The following LOC128125817 variants were observed in gnomAD, a reference collection of about 807,000 sequenced individuals.
chr1:41,621,426 C>G, the LOC128125817 span, among the ~76,000 whole-genome samples: 1 of 152,274 alleles, frequency 6.6e-6, no homozygotes, highest in Admixed American at 6.5e-5. Context: ...CCCCCTCTGT[C>G]TCCCAAGGGA....
the LOC128125817 span, among the ~76,000 whole-genome samples, chr1:41,606,980 C>CTT: frequency 1.3e-5 from 2 of 148,304 alleles, no homozygotes; most frequent in African/African-American, 5.0e-5. Flanking sequence ...GTGTGTGTTT[C>CTT]TTTTTTTTTT....
At chr1:41,620,724 C>A in the LOC128125817 span, among the ~76,000 whole-genome samples, 1 of 152,136 alleles carries the variant, frequency 6.6e-6, no homozygotes, top group Admixed American at 6.5e-5. Context: ...TTCAGGCTTG[C>A]GACACTAGTG....
the LOC128125817 span, among the ~76,000 whole-genome samples, chr1:41,592,347 C>G: frequency 2.6e-5 from 4 of 152,210 alleles, no homozygotes; most frequent in African/African-American, 7.2e-5. Context: ...GCTGAATGAT[C>G]TCAAGATCAC....
chr1:41,599,399 A>C, the LOC128125817 span, among the ~76,000 whole-genome samples: 1 of 152,232 alleles, frequency 6.6e-6, no homozygotes, highest in Non-Finnish European at 1.5e-5. Flanking sequence ...ATAATCATAA[A>C]GGAGAGAAGC....
the LOC128125817 span, among the ~76,000 whole-genome samples, chr1:41,589,999 C>A: frequency 1.3e-5 from 2 of 152,208 alleles, no homozygotes; most frequent in African/African-American, 4.8e-5. Flanking sequence ...ATTTAATGAC[C>A]TAGCAACAAA....
chr1:41,597,703 C>A, the LOC128125817 span, among the ~76,000 whole-genome samples: 1 of 152,210 alleles, frequency 6.6e-6, no homozygotes, highest in Non-Finnish European at 1.5e-5. Flanking sequence ...GAATCACAGT[C>A]CTGACACTGC....
chr1:41,586,558 C>T, the LOC128125817 span, among the ~76,000 whole-genome samples: 2 of 146,836 alleles, frequency 1.4e-5, no homozygotes, highest in Admixed American at 1.4e-4. Flanking sequence ...ATGCCCTACC[C>T]CCGGCATCCT....
chr1:41,600,799 C>T, the LOC128125817 span, among the ~76,000 whole-genome samples: 9 of 152,116 alleles, frequency 5.9e-5, no homozygotes, highest in African/African-American at 2.2e-4. Flanking sequence ...CCTATGTTTT[C>T]TTCTAGAAGT....
the LOC128125817 span, among the ~76,000 whole-genome samples, chr1:41,602,492 T>C: frequency 6.6e-5 from 10 of 152,154 alleles, no homozygotes; most frequent in African/African-American, 1.9e-4. Flanking sequence ...TGGGAACATA[T>C]CCATTTCTTT....
the LOC128125817 span, among the ~76,000 whole-genome samples, chr1:41,616,591 G>C: frequency 4.1e-5 from 6 of 147,148 alleles, no homozygotes; most frequent in Non-Finnish European, 9.0e-5. Flanking sequence ...TTTTCAAACA[G>C]GGTATAGGAA....
the LOC128125817 span, among the ~76,000 whole-genome samples, chr1:41,615,254 A>G: frequency 6.6e-6 from 1 of 152,236 alleles, no homozygotes; most frequent in Admixed American, 6.5e-5. Context: ...TTACCAGTCA[A>G]TTAAAGAACT....
At chr1:41,595,508 A>T in the LOC128125817 span, among the ~76,000 whole-genome samples, 1 of 152,144 alleles carries the variant, frequency 6.6e-6, no homozygotes, top group East Asian at 1.9e-4. Context: ...GAGTCAGCAT[A>T]CCCTTGTTTG....
chr1:41,609,380 G>A, the LOC128125817 span, among the ~76,000 whole-genome samples: 1 of 152,240 alleles, frequency 6.6e-6, no homozygotes, highest in Non-Finnish European at 1.5e-5. Flanking sequence ...CAGCCTAGTA[G>A]TTCATGGACA....
At chr1:41,598,791 A>G in the LOC128125817 span, among the ~76,000 whole-genome samples, 1 of 139,444 alleles carries the variant, frequency 7.2e-6, no homozygotes, top group African/African-American at 2.7e-5. Flanking sequence ...ACTCCCACAC[A>G]TACAGTCACA....
At chr1:41,609,062 T>TAA in the LOC128125817 span, among the ~76,000 whole-genome samples, 7 of 142,032 alleles carry the variant, frequency 4.9e-5, no homozygotes, top group Admixed American at 2.1e-4. Flanking sequence ...TCCGTCTCAA[T>TAA]AAAAAAAAAA....
the LOC128125817 span, among the ~76,000 whole-genome samples, chr1:41,604,076 A>C: frequency 2.1e-3 from 325 of 152,380 alleles, 1 homozygote; most frequent in South Asian, 4.8e-3. Context: ...CTTCTTGTGC[A>C]TTGTTAGTGG....
At chr1:41,591,342 G>T in the LOC128125817 span, among the ~76,000 whole-genome samples, 1 of 152,184 alleles carries the variant, frequency 6.6e-6, no homozygotes, top group African/African-American at 2.4e-5. Context: ...AGAGACCTGA[G>T]TTCCCCTAAA....
At chr1:41,596,020 C>A in the LOC128125817 span, among the ~76,000 whole-genome samples, 1 of 152,124 alleles carries the variant, frequency 6.6e-6, no homozygotes, top group East Asian at 1.9e-4. Context: ...GTTCAATGTA[C>A]GCAAAGCACA....
chr1:41,607,820 G>A, the LOC128125817 span, among the ~76,000 whole-genome samples: 1 of 152,176 alleles, frequency 6.6e-6, no homozygotes, highest in Admixed American at 6.5e-5. Flanking sequence ...GAGTTTAAGT[G>A]GCCATGGCTG....
Sources: gnomAD v4.1 joint callset for allele counts (sites outside exome capture counted in the v4.1 genomes callset) on GRCh38, gnomAD v4.1.1 for gene constraint, MANE v1.5 for transcripts.